The following DLG2 variants were observed in gnomAD, a reference collection of about 807,000 sequenced individuals.
The protein encoded by DLG2 is disks large homolog 2.
In DLG2, 45 loss-of-function variants were observed where a neutral mutation model predicts 132.5. That is an observed-to-expected ratio of 0.34 (90% CI 0.27 to 0.44). DLG2 has a LOEUF of 0.44. Among genes scored for constraint, DLG2 ranks in the 20% least tolerant of loss-of-function variants. DLG2 has a pLI of 1.00. For synonymous variants in DLG2, 424 were observed against 419.6 expected, an observed-to-expected ratio of 1.01 and a Z score of -0.13; for missense variants, 1,045 against 1,196.9, an observed-to-expected ratio of 0.87 and a Z score of 1.87.
intron 18 of DLG2, among the ~76,000 whole-genome samples, chr11:83,766,782 A>G (rs1402268696): frequency 6.6e-6 from 1 of 152,186 alleles, no homozygotes; most frequent in East Asian, 1.9e-4. Context: ...AGTAGTAAAT[A>G]CAATTATTAT....
At chr11:84,500,807 A>G (rs936727134) in intron 7 of DLG2, among the ~76,000 whole-genome samples, 1 of 152,216 alleles carries the variant, frequency 6.6e-6, no homozygotes, top group African/African-American at 2.4e-5. Context: ...TAGTATAAAT[A>G]TTGAGATCAT....
rs554987430 is a variant in DLG2, at chr11:84,165,028, A to G, written c.574-1517T>C. On this transcript the variant is annotated intron_variant, in intron 8 of 27. Coordinates refer to ENST00000376104, the MANE Select transcript of DLG2 (RefSeq NM_001142699.3). Reference sequence around the variant, plus strand: ...CACACACACACACAAACACACTTCAAACTCCTTGTATGTTTCCATATGAAT... The same window carrying G: ...CACACACACACACAAACACACTTCAGACTCCTTGTATGTTTCCATATGAAT... Among the ~76,000 whole-genome samples, 6 of 152,272 alleles carry G rather than the reference A, an allele frequency of 3.9e-5. No homozygotes were observed. The East Asian group carries it at 9.6e-4, about 24-fold the overall frequency.
chr11:85,189,801 AT>A (rs200410504), intron 4 of DLG2, among the ~76,000 whole-genome samples: 4 of 150,358 alleles, frequency 2.7e-5, no homozygotes, highest in South Asian at 4.2e-4. Context: ...CAATGAATGT[AT>A]TTTTTTTTTC....
At chr11:85,550,888 G>A (rs190380524) in intron 3 of DLG2, among the ~76,000 whole-genome samples, 2 of 152,300 alleles carry the variant, frequency 1.3e-5, no homozygotes, top group East Asian at 1.9e-4. Flanking sequence ...GCTGAATGCC[G>A]TATTTCCAAA....
At chr11:84,037,742 T>C (rs1449197200) in intron 11 of DLG2, among the ~76,000 whole-genome samples, 1 of 152,146 alleles carries the variant, frequency 6.6e-6, no homozygotes, top group Admixed American at 6.6e-5. Flanking sequence ...CAAATGTCTT[T>C]CAAAATGTAT....
intron 6 of DLG2, among the ~76,000 whole-genome samples, chr11:84,879,161 C>T (rs762221538): frequency 2.6e-5 from 4 of 152,060 alleles, no homozygotes; most frequent in South Asian, 2.1e-4. Context: ...AGGAGCTTCT[C>T]GGAGTCTCTG....
intron 5 of DLG2, among the ~76,000 whole-genome samples, chr11:85,118,015 T>C (rs2073872086): frequency 6.6e-6 from 1 of 152,114 alleles, no homozygotes; most frequent in African/African-American, 2.4e-5. Context: ...AATGTGTCAA[T>C]TACAGATGCC....
chr11:84,669,076 T>G (rs1261864736), intron 6 of DLG2, among the ~76,000 whole-genome samples: 2 of 151,624 alleles, frequency 1.3e-5, no homozygotes, highest in African/African-American at 4.8e-5. Context: ...GGACAGGAAG[T>G]TAGGGTGGCC....
intron 8 of DLG2, among the ~76,000 whole-genome samples, chr11:84,215,971 A>G (rs1212456047): frequency 1.3e-5 from 2 of 152,200 alleles, no homozygotes; most frequent in Non-Finnish European, 2.9e-5. Context: ...CTATTGATTC[A>G]TAACACCTTA....
chr11:84,608,734 C>T (rs1420771989), intron 6 of DLG2, among the ~76,000 whole-genome samples: 2 of 152,128 alleles, frequency 1.3e-5, no homozygotes, highest in Non-Finnish European at 2.9e-5. Flanking sequence ...ACTGAGATAA[C>T]CGTTTTCTAG....
intron 6 of DLG2, among the ~76,000 whole-genome samples, chr11:85,027,827 C>A (rs185964541): frequency 1.9e-3 from 287 of 152,302 alleles, no homozygotes; most frequent in African/African-American, 6.6e-3. Context: ...CTTGGGGAGC[C>A]CCTAGGTCTG....
intron 4 of DLG2, among the ~76,000 whole-genome samples, chr11:85,281,368 G>A (rs750385285): frequency 6.6e-6 from 1 of 151,932 alleles, no homozygotes; most frequent in Non-Finnish European, 1.5e-5. Context: ...GTGGCACACT[G>A]TAGGGACTCC....
intron 4 of DLG2, among the ~76,000 whole-genome samples, chr11:85,169,587 A>C (rs2078700325): frequency 6.6e-6 from 1 of 152,172 alleles, no homozygotes; most frequent in Non-Finnish European, 1.5e-5. Context: ...GGCCCAAAGA[A>C]CAGATCATCA....
intron 15 of DLG2, among the ~76,000 whole-genome samples, chr11:83,906,245 TCTCTCTCTCTCTCACACA>T (rs2074817793): frequency 8.5e-6 from 1 of 117,146 alleles, no homozygotes; most frequent in Non-Finnish European, 1.7e-5. Context: ...TCTCTCTCTC[TCTCTCTCTCTCTCACACA>T]CACACACACA....
intron 6 of DLG2, among the ~76,000 whole-genome samples, chr11:85,039,434 C>T (rs1311651627): frequency 6.6e-6 from 1 of 151,892 alleles, no homozygotes; most frequent in Non-Finnish European, 1.5e-5. Context: ...AACAAGGTCT[C>T]AGGCTTTCAT....
At chr11:84,916,497 CAAG>C (rs1009342936) in intron 6 of DLG2, among the ~76,000 whole-genome samples, 1 of 150,006 alleles carries the variant, frequency 6.7e-6, no homozygotes, top group African/African-American at 2.5e-5. Context: ...TCGAAAAAGA[CAAG>C]AAGATAGATA....
chr11:85,553,478 G>A (rs192095345), intron 3 of DLG2, among the ~76,000 whole-genome samples: 10 of 150,580 alleles, frequency 6.6e-5, no homozygotes, highest in East Asian at 3.9e-4. Flanking sequence ...CACCATGCCC[G>A]GCTAATCTGT....
chr11:83,784,790 A>G (rs549873181), intron 18 of DLG2, among the ~76,000 whole-genome samples: 1 of 152,332 alleles, frequency 6.6e-6, no homozygotes, highest in Non-Finnish European at 1.5e-5. Context: ...CTTGATCACT[A>G]TCGAGAGCTT....
chr11:83,468,207 A>G (rs185471007), intron 25 of DLG2, among the ~76,000 whole-genome samples: 2 of 152,318 alleles, frequency 1.3e-5, no homozygotes, highest in East Asian at 1.9e-4. Flanking sequence ...ATGAAAATGA[A>G]TACAGTCCAG....
Sources: gnomAD v4.1 joint callset for allele counts (sites outside exome capture counted in the v4.1 genomes callset) on GRCh38, gnomAD v4.1.1 for gene constraint, MANE v1.5 for transcripts, NCBI Gene and HGNC (gene_info 2026-07-23, HGNC 2026-07-21) for gene names.